Variants in ZDHHC24 observed in about 807,000 individuals in gnomAD.
The protein encoded by ZDHHC24 is probable palmitoyltransferase ZDHHC24.
In ZDHHC24, 17 loss-of-function variants were observed where a neutral mutation model predicts 23.2. The ratio of observed to expected loss-of-function variants is 0.73; its 90% CI spans 0.50 to 1.10. ZDHHC24 has a LOEUF of 1.10. Among genes scored for constraint, ZDHHC24 ranks in the 50% least tolerant of loss-of-function variants. ZDHHC24 has a pLI of 0.00. For synonymous variants in ZDHHC24, 186 were observed against 194.5 expected, an observed-to-expected ratio of 0.96 and a Z score of 0.36; for missense variants, 366 against 393.0, an observed-to-expected ratio of 0.93 and a Z score of 0.58.
At chr11:66,532,343 C>A (rs967557088), downstream of ZDHHC24, 1 of 439,428 alleles carries the variant, frequency 2.3e-6, no homozygotes, top group Non-Finnish European at 4.2e-6. Context: ...CCGAAGCGGT[C>A]AAAGTGAGCT....
At chr11:66,529,983 CCAGAGGGG>C (rs759842562) in intron 2 of ZDHHC24, 3 of 1,585,882 alleles carry the variant, frequency 1.9e-6, no homozygotes, top group Non-Finnish European at 2.6e-6. Flanking sequence ...AGAGTCAGGG[CCAGAGGGG>C]CAGAGGCCAG....
At chr11:66,521,431 C>A (rs1856212613) in exon 5 of ZDHHC24, 2 of 1,388,868 alleles carry the variant, frequency 1.4e-6, no homozygotes, top group African/African-American at 2.8e-5. Flanking sequence ...AAACTGGTGG[C>A]TTCAGAGGCT....
rs1856511238 is a variant in ZDHHC24, at chr11:66,526,645, C to A, written c.*21+291G>T. 6.2e-7 allele frequency: 1 copy of A among 1,614,162 alleles called. No homozygotes were observed. The highest frequency in any genetic ancestry group is 8.5e-7 in the Non-Finnish European group (1 of 1,180,028). On this transcript the variant is annotated intron_variant, in intron 4 of 4. Transcript: ENST00000526986. ...AAATCCATTTCCACTGTCCACTTCC[C>A]TAGGTGGTGGCCTGATCATCAAGAT...
At position 66,524,002 on chromosome 11, in the gene ZDHHC24, A is replaced by G. The variant is rs1856371849; in HGVS notation, c.*22-2536T>C. ...CATTTCAAAAACATTTGTTGAGGCC[A>G]GGCACAGTGGCTCATGCCTGTAATC... On this transcript the variant is annotated intron_variant, in intron 4 of 4. Transcript: ENST00000526986. 4.9e-6 allele frequency: 7 copies of G among 1,419,304 alleles called. No homozygotes were observed. In the South Asian group the frequency reaches 6.0e-5, roughly 12 times the overall value. The allele number at this position is 1,419,304 out of a possible 1,614,324, so 87.9% of individuals were successfully genotyped here.
In ZDHHC24 at chr11:66,539,788, AC is replaced by A; in HGVS notation, c.595del (p.Val199Ter). ...CGCACCCGCCACGCACGTGTCCGTC[AC>A]GAAGGCCAAGGCAAACTGTGCCAGA... is the stretch of plus-strand genomic sequence containing the variant. ...VSLAQFALAF[V>X]TDTCVAGALL... is the part of the protein sequence containing the mutation. On this transcript the variant is annotated frameshift_variant, in exon 3 of 3. Coordinates refer to ENST00000310442, the MANE Select transcript of ZDHHC24 (RefSeq NM_207340.3). LOFTEE classifies it high-confidence loss of function. The A allele has an allele frequency of 3.7e-6, 6 of 1,611,612 alleles. No homozygotes were observed. Among genetic ancestry groups the A allele is most frequent in the Non-Finnish European group, 5.1e-6 (6 of 1,178,984 alleles).
chr11:66,546,031 G>C lies in ZDHHC24; in HGVS notation c.-28C>G, dbSNP rs1240817385. Reference sequence around the variant, plus strand: ...CCTGGACACCCAGCTGTCGGAGCCGGAGGACTAGGCCGCTTCCGTATTGGG... The same window carrying C: ...CCTGGACACCCAGCTGTCGGAGCCGCAGGACTAGGCCGCTTCCGTATTGGG... On this transcript the variant is annotated 5_prime_UTR_variant, in exon 1 of 3. Coordinates refer to ENST00000310442, the MANE Select transcript of ZDHHC24 (RefSeq NM_207340.3). 3 of 1,375,908 alleles carry C rather than the reference G, an allele frequency of 2.2e-6. No individual in the cohort carries two copies. Among genetic ancestry groups the C allele is most frequent in the South Asian group, 1.7e-5 (1 of 59,324 alleles). The allele number at this position is 1,375,908 out of a possible 1,614,324, so 85.2% of individuals were successfully genotyped here.
At position 66,543,930 on chromosome 11, in the gene ZDHHC24, A is replaced by AGAGCAGTGTCCGCTGC; in HGVS notation, c.317_332dup (p.Ala112GlnfsTer132). The AGAGCAGTGTCCGCTGC allele has an allele frequency of 6.2e-7, 1 of 1,613,952 alleles. No individual in the cohort carries two copies. Among genetic ancestry groups the AGAGCAGTGTCCGCTGC allele is most frequent in the Non-Finnish European group, 8.5e-7 (1 of 1,179,906 alleles). ...GACGCAGGATGCAGACGCGGCAGGC[A>AGAGCAGTGTCCGCTGC]GAGCAGTGTCCGCTGCGTGGCGGCA... On this transcript the variant is annotated frameshift_variant, in exon 2 of 3. Coordinates refer to ENST00000310442, the MANE Select transcript of ZDHHC24 (RefSeq NM_207340.3). LOFTEE classifies it high-confidence loss of function.
Position 66,545,900 on chromosome 11 carries a change from T to TA in ZDHHC24, c.103dup (p.Tyr35LeufsTer204). The TA allele has an allele frequency of 6.5e-7, 1 of 1,540,462 alleles. No homozygotes were observed. Among genetic ancestry groups the TA allele is most frequent in the East Asian group, 2.5e-5 (1 of 40,620 alleles). On this transcript the variant is annotated frameshift_variant, in exon 1 of 3. Coordinates refer to ENST00000310442, the MANE Select transcript of ZDHHC24 (RefSeq NM_207340.3). LOFTEE classifies it high-confidence loss of function. The surrounding 1 kb of genome is among the most constrained non-coding windows in gnomAD (Gnocchi z 4.5). ...CGGCCCGGGACCGAGCACCAGCACG[T>TA]AAGCCAGCTCCAGGCCCACGGCCGC...
At chr11:66,521,177 T>G in exon 5 of ZDHHC24, 2 of 955,208 alleles carry the variant, frequency 2.1e-6, no homozygotes, top group Admixed American at 1.8e-5. Context: ...GATTGGGACT[T>G]TAGACCAGGC....
At chr11:66,528,432 GGAAAA>G (rs1856613255) in intron 3 of ZDHHC24, among the ~76,000 whole-genome samples, 1 of 152,076 alleles carries the variant, frequency 6.6e-6, no homozygotes, top group South Asian at 2.1e-4. Flanking sequence ...AGAAGATTGG[GGAAAA>G]TAAGAATGAG....
chr11:66,531,529 C>A, downstream of ZDHHC24: 2 of 1,224,752 alleles, frequency 1.6e-6, no homozygotes, highest in Non-Finnish European at 2.4e-6. Flanking sequence ...CTCCTCCACC[C>A]AGCAGTTGTC....
downstream of ZDHHC24, chr11:66,531,890 C>G (rs1188745371): frequency 6.3e-7 from 1 of 1,576,832 alleles, no homozygotes; most frequent in African/African-American, 1.4e-5. Context: ...TTAGGGCCAG[C>G]GCAGACCAGG....
At chr11:66,523,407 A>G (rs1372696339) in intron 4 of ZDHHC24, 1 of 1,613,986 alleles carries the variant, frequency 6.2e-7, no homozygotes, top group Non-Finnish European at 8.5e-7. Flanking sequence ...CAGCCATAGA[A>G]GTGGAGAGGA....
rs914693423 is a variant in ZDHHC24 at position 66,538,432 on chromosome 11, T to C, written c.*1097A>G. The C allele has an allele frequency of 1.3e-5, 2 of 148,810 alleles. No homozygotes were observed. Among genetic ancestry groups the C allele is most frequent in the Non-Finnish European group, 3.0e-5 (2 of 67,358 alleles). The allele number at this position is 148,810 out of a possible 1,614,324, so 9.2% of individuals were successfully genotyped here. A position where few individuals can be genotyped will look rare whatever the true frequency, so the allele number is the denominator to read the frequency against. On this transcript the variant is annotated 3_prime_UTR_variant, in exon 3 of 3. Transcript: ENST00000310442. ...AAAAAAAAAAATCAGCCGGGCATAG[T>C]GGCGGGTGTCTGTAATCCCAGCAAC...
downstream of ZDHHC24, among the ~76,000 whole-genome samples, chr11:66,535,218 A>T (rs1318534542): frequency 6.7e-6 from 1 of 149,868 alleles, no homozygotes; most frequent in Non-Finnish European, 1.5e-5. Flanking sequence ...TTTTTGTTTT[A>T]GTTTTTTTGA....
chr11:66,545,508 G>A lies in ZDHHC24; in HGVS notation c.281+215C>T, dbSNP rs1008220339. On this transcript the variant is annotated intron_variant, in intron 1 of 2. Transcript: ENST00000310442. The surrounding 1 kb of genome is among the most constrained non-coding windows in gnomAD (Gnocchi z 4.5). The stretch of plus-strand genomic sequence containing the variant: ...TTGTTCTATTGTACCCTTCGTCCCT[G>A]TAACAAAACCTTGCACCTAGTAGGC... Among the ~76,000 whole-genome samples, 29 of 152,136 alleles carry A rather than the reference G, an allele frequency of 1.9e-4. No homozygotes were observed. Among genetic ancestry groups the A allele is most frequent in the African/African-American group, 6.0e-4 (25 of 41,410 alleles).
At chr11:66,532,523 GCAGCCCA>G (rs1856829769), downstream of ZDHHC24, 1 of 163,358 alleles carries the variant, frequency 6.1e-6, no homozygotes, top group Non-Finnish European at 1.4e-5. Context: ...AGGCTGGGCT[GCAGCCCA>G]CTCAGCTTGC....
At chr11:66,525,692 G>A (rs903214183) in intron 4 of ZDHHC24, among the ~76,000 whole-genome samples, 4 of 152,238 alleles carry the variant, frequency 2.6e-5, no homozygotes, top group Admixed American at 2.6e-4. Flanking sequence ...CTCGTTGAAA[G>A]AAGGGTAAAG....
chr11:66,530,050 C>T, intron 2 of ZDHHC24: 1 of 1,503,280 alleles, frequency 6.7e-7, no homozygotes. Flanking sequence ...GAGCCAATTC[C>T]AAGCCAACTC....
Sources: allele counts gnomAD v4.1 joint callset (sites outside exome capture counted in the v4.1 genomes callset), GRCh38; gene constraint gnomAD v4.1.1; non-coding constraint Gnocchi (gnomAD v3.1); transcripts MANE v1.5; gene names NCBI Gene and HGNC (gene_info 2026-07-23, HGNC 2026-07-21).